Variants in CCDC141 observed in about 807,000 individuals in gnomAD.
CCDC141 encodes the protein coiled-coil domain-containing protein 141.
CCDC141 carries 168 observed loss-of-function variants against 181.0 expected under a neutral mutation model. The observed-to-expected ratio is 0.93, with a 90% CI of 0.82 to 1.05. The LOEUF (loss-of-function observed/expected upper bound fraction) is 1.05. Among genes scored for constraint, CCDC141 ranks in the 50% least tolerant of loss-of-function variants. CCDC141 has a pLI of 0.00. For synonymous variants in CCDC141, 666 were observed against 642.3 expected, an observed-to-expected ratio of 1.04 and a Z score of -0.56; for missense variants, 1,902 against 1,788.5, an observed-to-expected ratio of 1.06 and a Z score of -1.14.
intron 3 of CCDC141, among the ~76,000 whole-genome samples, chr2:178,976,204 C>T (rs1050076750): frequency 3.9e-5 from 6 of 152,146 alleles, no homozygotes; most frequent in African/African-American, 1.4e-4. Context: ...TAAGATTCAA[C>T]AGTAATTATC....
chr2:178,899,061 A>G lies in CCDC141; in HGVS notation c.1265+6268T>C, dbSNP rs867915592. ...AAAAAGTACAGTTATACACTGTATA[A>G]CATTTCAATCAACAATGGCGGTCCG... On this transcript the variant is annotated intron_variant, in intron 8 of 23. Transcript: ENST00000443758. Among the ~76,000 whole-genome samples the G allele has an allele frequency of 2.6e-5, 4 of 152,292 alleles. No individual in the cohort carries two copies. In the Middle Eastern group the frequency reaches 0.01, roughly 389 times the overall value.
At chr2:178,815,467 T>G in the CCDC141 span, among the ~76,000 whole-genome samples, 1 of 152,186 alleles carries the variant, frequency 6.6e-6, no homozygotes, top group African/African-American at 2.4e-5. Flanking sequence ...TGGCAAATTC[T>G]TTGTCAAAAT....
At chr2:178,851,465 G>T (rs898177940) in intron 20 of CCDC141, among the ~76,000 whole-genome samples, 1 of 152,090 alleles carries the variant, frequency 6.6e-6, no homozygotes, top group Non-Finnish European at 1.5e-5. Context: ...GGGATGGGGC[G>T]CTAATCCAAT....
intron 2 of CCDC141, among the ~76,000 whole-genome samples, chr2:178,981,636 G>GTGTATATATATA (rs1313433628): frequency 0.019 from 1,156 of 62,308 alleles, 25 homozygotes; most frequent in African/African-American, 0.043. Context: ...GTGTGTGTGT[G>GTGTATATATATA]TATATATATA....
At chr2:178,860,944 T>C (rs988154764) in intron 17 of CCDC141, among the ~76,000 whole-genome samples, 1 of 152,210 alleles carries the variant, frequency 6.6e-6, no homozygotes, top group African/African-American at 2.4e-5. Flanking sequence ...CTGTTTATTG[T>C]TCAGGAAGTT....
intron 2 of CCDC141, among the ~76,000 whole-genome samples, chr2:179,012,944 T>C (rs1487377385): frequency 6.6e-6 from 1 of 151,908 alleles, no homozygotes; most frequent in African/African-American, 2.4e-5. Flanking sequence ...CTCAGCAAAA[T>C]CAGCATACAA....
chr2:178,827,315 C>G (rs1344574514), downstream of CCDC141, among the ~76,000 whole-genome samples: 1 of 152,044 alleles, frequency 6.6e-6, no homozygotes, highest in African/African-American at 2.4e-5. Context: ...GAAGAATGTG[C>G]ATTTTGCTGT....
chr2:178,959,733 A>C (rs1690314853), intron 5 of CCDC141, among the ~76,000 whole-genome samples: 1 of 152,292 alleles, frequency 6.6e-6, no homozygotes, highest in Non-Finnish European at 1.5e-5. Context: ...CAGCTTAGAA[A>C]GTGTATGGTG....
chr2:178,870,969 G>A lies in CCDC141; in HGVS notation c.2205+458C>T, dbSNP rs561589143. On this transcript the variant is annotated intron_variant, in intron 14 of 23. Coordinates refer to ENST00000443758, the MANE Select transcript of CCDC141 (RefSeq NM_173648.4). Reference sequence around the variant, plus strand: ...AGTGGAGGGCACAGCAAAATTCCTGGGGTGATGGTACGTGCCTGGGGTGCT... The same window carrying A: ...AGTGGAGGGCACAGCAAAATTCCTGAGGTGATGGTACGTGCCTGGGGTGCT... 3.9e-5 allele frequency among the ~76,000 whole-genome samples: 6 copies of A among 152,114 alleles called. No homozygotes were observed. The South Asian group carries it at 1.0e-3, about 26-fold the overall frequency.
At chr2:179,010,493 C>T (rs899838461) in intron 2 of CCDC141, among the ~76,000 whole-genome samples, 4 of 152,150 alleles carry the variant, frequency 2.6e-5, no homozygotes, top group Admixed American at 1.3e-4. Context: ...GGGGTCCTGT[C>T]TTCAGCCTCC....
chr2:179,009,440 TA>T (rs1482308251), intron 2 of CCDC141, among the ~76,000 whole-genome samples: 1 of 152,140 alleles, frequency 6.6e-6, no homozygotes, highest in East Asian at 1.9e-4. Context: ...CAGATTCTTT[TA>T]TCCCATGGGG....
At chr2:179,009,152 C>CA in intron 2 of CCDC141, among the ~76,000 whole-genome samples, 1 of 152,286 alleles carries the variant, frequency 6.6e-6, no homozygotes, top group Middle Eastern at 3.4e-3. Context: ...ATATACCTGG[C>CA]AAAATCATCT....
At chr2:178,860,050 A>G (rs1277556456) in intron 17 of CCDC141, among the ~76,000 whole-genome samples, 2 of 152,220 alleles carry the variant, frequency 1.3e-5, no homozygotes, top group African/African-American at 4.8e-5. Flanking sequence ...GAACTATGGC[A>G]CATGTTTGGC....
chr2:178,878,948 C>G (rs1686473187), intron 11 of CCDC141, among the ~76,000 whole-genome samples: 1 of 152,106 alleles, frequency 6.6e-6, no homozygotes, highest in African/African-American at 2.4e-5. Context: ...CAATTTACTT[C>G]TAATCAGCAA....
Position 178,837,232 on chromosome 2 carries a change from C to T in CCDC141, c.3987G>A (p.Glu1329=). The T allele has an allele frequency of 6.2e-7, 1 of 1,614,084 alleles. No homozygotes were observed. Among genetic ancestry groups the T allele is most frequent in the Non-Finnish European group, 8.5e-7 (1 of 1,179,986 alleles). Residue 1329 remains glutamate (E), a synonymous_variant, in exon 23 of 24, where the codon GAG becomes GAA. Transcript: ENST00000443758. The stretch of plus-strand genomic sequence containing the variant: ...CCTGAGGGTGCTGCTGTAAAGCTCT[C>T]TCATGCACTTCACTCATCATGCTCT... The part of the protein sequence containing the change: ...HPESMMSEVH[E]RALQQHPQAQ...
intron 8 of CCDC141, among the ~76,000 whole-genome samples, chr2:178,896,791 C>T (rs759666901): frequency 3.9e-5 from 6 of 152,154 alleles, no homozygotes; most frequent in Non-Finnish European, 8.8e-5. Flanking sequence ...CTAGTTTCCT[C>T]ATCTGCAAAA....
At chr2:179,037,415 T>C (rs1015885164) in intron 2 of CCDC141, among the ~76,000 whole-genome samples, 2 of 152,184 alleles carry the variant, frequency 1.3e-5, no homozygotes, top group African/African-American at 4.8e-5. Context: ...AACAGGTTAG[T>C]CCTCTTCTAA....
chr2:178,875,282 T>G (rs6747791), intron 12 of CCDC141: 1 of 152,036 alleles, frequency 6.6e-6, no homozygotes, highest in African/African-American at 2.4e-5. Flanking sequence ...AGCTCCAGAT[T>G]GGCCGGGCGC....
chr2:178,916,062 T>C (rs1370064128), intron 7 of CCDC141, among the ~76,000 whole-genome samples: 1 of 152,070 alleles, frequency 6.6e-6, no homozygotes, highest in African/African-American at 2.4e-5. Context: ...CTGTGATAAG[T>C]TAACATGTTA....
Sources: gnomAD v4.1 joint callset for allele counts (sites outside exome capture counted in the v4.1 genomes callset) on GRCh38, gnomAD v4.1.1 for gene constraint, MANE v1.5 for transcripts, NCBI Gene and HGNC (gene_info 2026-07-23, HGNC 2026-07-21) for gene names.